The following RNF17 variants were observed in gnomAD, a reference collection of about 807,000 sequenced individuals.
RNF17 encodes ring finger protein 17.
Under a neutral mutation model 200.5 loss-of-function variants are expected in RNF17, and 31 were observed. The observed-to-expected ratio is 0.15, with a 90% CI of 0.12 to 0.21. RNF17 has a LOEUF of 0.21. RNF17 is among the 10% of genes least tolerant of loss of function. The pLI is 1.00. For missense variants in RNF17, 1,628 were observed against 1,905.1 expected, an observed-to-expected ratio of 0.85 and a Z score of 2.71; for synonymous variants, 606 against 637.8, an observed-to-expected ratio of 0.95 and a Z score of 0.75.
chr13:24,851,498 A>G lies in RNF17; in HGVS notation c.3247A>G (p.Arg1083Gly). Residue 1083 changes from arginine (R) to glycine (G), a missense_variant, in exon 24 of 36, where the codon AGA (arginine) becomes GGA (glycine). Transcript: ENST00000255324. ...TWPLPVKIFC[R>G]DEKGERVDVS... ...GCCATTACCTGTGAAAATTTTCTGC[A>G]GAGATGAAAAAGGAGAGCGTGTTGA... The G allele has an allele frequency of 2.5e-6, 4 of 1,613,778 alleles. No homozygotes were observed. Among genetic ancestry groups the G allele is most frequent in the Non-Finnish European group, 3.4e-6 (4 of 1,179,872 alleles).
At chr13:24,817,233 A>G (rs924569283) in intron 15 of RNF17, among the ~76,000 whole-genome samples, 7 of 152,096 alleles carry the variant, frequency 4.6e-5, no homozygotes, top group South Asian at 2.1e-4. Flanking sequence ...CAGTGAATCT[A>G]TCTGGTCCAG....
chr13:24,778,475 T>G, intron 4 of RNF17, 69 bp downstream of exon 4: 1 of 942,340 alleles, frequency 1.1e-6, no homozygotes, highest in Non-Finnish European at 1.7e-6. Context: ...TAGCTCAACT[T>G]TCTTCTCCTA....
At chr13:24,812,352 T>C (rs918612381) in intron 15 of RNF17, among the ~76,000 whole-genome samples, 1 of 151,846 alleles carries the variant, frequency 6.6e-6, no homozygotes, top group Admixed American at 6.6e-5. Flanking sequence ...TGGCGCGCCA[T>C]TTTTTAAGCC....
chr13:24,797,777 G>C (rs1884786466), intron 11 of RNF17, among the ~76,000 whole-genome samples: 1 of 147,220 alleles, frequency 6.8e-6, no homozygotes, highest in Non-Finnish European at 1.5e-5. Flanking sequence ...TTCTGACCAG[G>C]ATTGTTTCCT....
chr13:24,764,094 C>T (rs544707756), upstream of RNF17: 320 of 1,082,418 alleles, frequency 3.0e-4, 1 homozygote, highest in African/African-American at 4.2e-3. Flanking sequence ...GCTTTAATCT[C>T]CCGGCCCACT....
chr13:24,801,931 A>G (rs926633473), intron 13 of RNF17, among the ~76,000 whole-genome samples: 9 of 152,144 alleles, frequency 5.9e-5, no homozygotes, highest in Non-Finnish European at 1.2e-4. Context: ...CACGTTGTAC[A>G]TTCATAAAGA....
intron 33 of RNF17, 61 bp from the exon 34 acceptor site, chr13:24,876,936 C>A: frequency 7.3e-7 from 1 of 1,371,596 alleles, no homozygotes; most frequent in South Asian, 1.4e-5. Context: ...ATGTTTTCTT[C>A]TAAGAATTGG....
Position 24,843,788 on chromosome 13 carries a change from A to T in RNF17, c.2648A>T (p.Asp883Val). The T allele has an allele frequency of 6.2e-7, 1 of 1,608,904 alleles. No individual in the cohort carries two copies. Among genetic ancestry groups the T allele is most frequent in the African/African-American group, 1.3e-5 (1 of 74,812 alleles). ...TCTCAAAAGCATATTGAAGTTTGGGATCCTTCTCCAGAAGAAATTATTTCA... is the reference window on the plus strand; with the variant it reads ...TCTCAAAAGCATATTGAAGTTTGGGTTCCTTCTCCAGAAGAAATTATTTCA... ...DNSQKHIEVW[D>V]PSPEEIISNE... The change falls in exon 20 of 36, where the codon GAT becomes GTT. Residue 883 changes from aspartate to valine, a missense_variant. Physicochemically the swap from Asp to Val is radical, Grantham distance 152. Around this residue, in one of 5 missense-constraint regions of RNF17, gnomAD observed 227 missense variants for 319.8 expected, o/e 0.71. Coordinates refer to ENST00000255324, the MANE Select transcript of RNF17 (RefSeq NM_031277.3).
chr13:24,764,814 G>A (rs1426082408), intron 1 of RNF17, among the ~76,000 whole-genome samples: 1 of 150,854 alleles, frequency 6.6e-6, no homozygotes, highest in Non-Finnish European at 1.5e-5. Flanking sequence ...TTTTTTGTTT[G>A]TTTTTTACAT....
intron 18 of RNF17, among the ~76,000 whole-genome samples, chr13:24,836,001 G>A (rs1889952147): frequency 6.6e-6 from 1 of 152,182 alleles, no homozygotes; most frequent in Non-Finnish European, 1.5e-5. Context: ...TTTTAGAAAT[G>A]CGAAATGTTC....
At chr13:24,829,875 T>C (rs1019571125) in intron 16 of RNF17, among the ~76,000 whole-genome samples, 38 of 152,204 alleles carry the variant, frequency 2.5e-4, no homozygotes, top group African/African-American at 8.9e-4. Context: ...GTACAATATT[T>C]TTTCAAAATT....
intron 1 of RNF17, among the ~76,000 whole-genome samples, chr13:24,766,509 A>G (rs1019250303): frequency 2.6e-5 from 4 of 152,264 alleles, no homozygotes; most frequent in African/African-American, 4.8e-5. Flanking sequence ...ATGTGATAAT[A>G]GTAGCATCTG....
rs1001094289 is a variant in RNF17 at position 24,825,873 on chromosome 13, C to G, written c.2245+101C>G. ...AATCTTGGAAGTAATGTTATTTGAT[C>G]TTATCATTTGCTCTGCCATCTGTCT... is the stretch of plus-strand genomic sequence containing the variant. On this transcript the variant is annotated intron_variant, in intron 16 of 35. Transcript: ENST00000255324. The G allele has an allele frequency of 9.1e-6, 13 of 1,428,792 alleles. No individual in the cohort carries two copies. In the African/African-American group the frequency reaches 1.0e-4, roughly 11 times the overall value. The allele number at this position is 1,428,792 out of a possible 1,614,324, so 88.5% of individuals were successfully genotyped here. A position where few individuals can be genotyped will look rare whatever the true frequency, so the allele number is the denominator to read the frequency against.
chr13:24,764,967 G>C (rs2137857388), intron 1 of RNF17, among the ~76,000 whole-genome samples: 1 of 151,462 alleles, frequency 6.6e-6, no homozygotes, highest in Admixed American at 6.6e-5. Flanking sequence ...CACTATTATT[G>C]GTCTGTTCAC....
intron 16 of RNF17, among the ~76,000 whole-genome samples, chr13:24,826,783 G>A (rs1030693175): frequency 4.0e-5 from 6 of 148,252 alleles, no homozygotes; most frequent in Non-Finnish European, 7.4e-5. Context: ...AAAAAAGGCC[G>A]GGTGCGGTGG....
intron 10 of RNF17, among the ~76,000 whole-genome samples, chr13:24,795,413 G>T (rs1884441029): frequency 6.8e-6 from 1 of 147,278 alleles, no homozygotes; most frequent in Non-Finnish European, 1.5e-5. Context: ...ATGTGTGTGT[G>T]GCGGGGGTGT....
At chr13:24,866,885 A>T (rs9511483) in intron 30 of RNF17, among the ~76,000 whole-genome samples, 35,119 of 152,088 alleles carry the variant, frequency 0.23, 4,522 homozygotes, top group Non-Finnish European at 0.29. Context: ...GTATGTCAGT[A>T]GTGTGTGTGC....
rs1384239015 is a variant in RNF17, at chr13:24,859,173, G to C, written c.3774+9G>C. ...TAGGTGGCGCTGTCAGAGTGAGTCTGATATTCTTTTGTGACAATTCTAAAG... is the reference window on the plus strand; with the variant it reads ...TAGGTGGCGCTGTCAGAGTGAGTCTCATATTCTTTTGTGACAATTCTAAAG... On this transcript the variant is annotated intron_variant, in intron 26 of 35. Transcript: ENST00000255324. 4 of 1,562,394 alleles carry C rather than the reference G, an allele frequency of 2.6e-6. No homozygotes were observed. The highest frequency in any genetic ancestry group is 1.2e-5 in the South Asian group (1 of 82,656).
At chr13:24,834,331 CT>C (rs1313511938) in intron 18 of RNF17, among the ~76,000 whole-genome samples, 1 of 152,158 alleles carries the variant, frequency 6.6e-6, no homozygotes, top group Non-Finnish European at 1.5e-5. Context: ...AGGAGAATCA[CT>C]TGAACCTTGG....
Sources: gnomAD v4.1 joint callset for allele counts (sites outside exome capture counted in the v4.1 genomes callset) on GRCh38, gnomAD v4.1.1 for gene constraint, gnomAD v4.1.1 regional missense constraint, MANE v1.5 for transcripts, NCBI Gene and HGNC (gene_info 2026-07-23, HGNC 2026-07-21) for gene names.